MGAT5B: variants seen among roughly 807,000 people sequenced by gnomAD.
MGAT5B encodes the protein N-acetylglucosaminyl-transferase Vb.
A neutral mutation model predicts 95.1 loss-of-function variants in MGAT5B; 54 were observed. That is an observed-to-expected ratio of 0.57 (90% CI 0.46 to 0.71). The LOEUF (loss-of-function observed/expected upper bound fraction) is 0.71. Ranked by LOEUF, MGAT5B falls within the 30% of genes least tolerant of loss-of-function variation. The probability of loss-of-function intolerance (pLI) is 0.00; values close to 1 mark genes in which losing one functional copy is unlikely to be tolerated. For missense variants in MGAT5B, 935 were observed against 1,088.6 expected, an observed-to-expected ratio of 0.86 and a Z score of 1.99; for synonymous variants, 464 against 451.0, an observed-to-expected ratio of 1.03 and a Z score of -0.36.
rs537119080 is a variant in MGAT5B at position 76,911,156 on chromosome 17, G to A, written c.1025+4969G>A. 9.2e-5 allele frequency among the ~76,000 whole-genome samples: 14 copies of A among 152,314 alleles called. No individual in the cohort carries two copies. In the South Asian group the frequency reaches 2.7e-3, roughly 29 times the overall value. On this transcript the variant is annotated intron_variant, in intron 8 of 17. Coordinates refer to ENST00000569840, the MANE Select transcript of MGAT5B (RefSeq NM_001199172.2). ...TCTGACTTCTTCCATCTGGGGTGGG[G>A]GCCCAGGTAACAAATTGAAGCTCCC...
chr17:76,933,200 G>A, intron 11 of MGAT5B, 92 bp from the exon 12 acceptor site: 2 of 1,549,632 alleles, frequency 1.3e-6, no homozygotes, highest in Non-Finnish European at 1.8e-6. Flanking sequence ...GGGCCCCAGA[G>A]AGGAGCTGCC....
Position 76,915,683 on chromosome 17 carries a change from G to A in MGAT5B, c.1026-9283G>A, listed in dbSNP as rs1968904991. 6.6e-6 allele frequency among the ~76,000 whole-genome samples: 1 copy of A among 152,156 alleles called. No individual in the cohort carries two copies. Among genetic ancestry groups the A allele is most frequent in the Non-Finnish European group, 1.5e-5 (1 of 68,028 alleles). ...AAAGGTGGGGAAGAACCGCATCTTG[G>A]CACCTAGACTTGTGAATGGCAGCTC... is the stretch of plus-strand genomic sequence containing the variant. On this transcript the variant is annotated intron_variant, in intron 8 of 17. Coordinates refer to ENST00000569840, the MANE Select transcript of MGAT5B (RefSeq NM_001199172.2). This position sits in a 1 kb window ranked among gnomAD's most constrained non-coding sequence, Gnocchi z 8.7.
At chr17:76,895,329 A>G (rs966461007) in intron 3 of MGAT5B, among the ~76,000 whole-genome samples, 1 of 151,984 alleles carries the variant, frequency 6.6e-6, no homozygotes, top group African/African-American at 2.4e-5. Flanking sequence ...ATTATTTCAT[A>G]ATAATGAAAT....
chr17:76,926,378 C>T (rs1445296682), intron 9 of MGAT5B, among the ~76,000 whole-genome samples: 1 of 152,206 alleles, frequency 6.6e-6, no homozygotes, highest in East Asian at 1.9e-4. Flanking sequence ...GACAATTGGG[C>T]TGTTGTTTTT....
In MGAT5B at chr17:76,889,866, C is replaced by T. The variant is rs7216800; in HGVS notation, c.329+7568C>T. Among the ~76,000 whole-genome samples, 15,338 of 152,188 alleles carry T rather than the reference C, an allele frequency of 0.1. 1,084 individuals carry two copies. Among genetic ancestry groups the T allele is most frequent in the East Asian group, 0.25 (1,298 of 5,144 alleles). On this transcript the variant is annotated intron_variant, in intron 3 of 17. Coordinates refer to ENST00000569840, the MANE Select transcript of MGAT5B (RefSeq NM_001199172.2). This position sits in a 1 kb window ranked among gnomAD's most constrained non-coding sequence, Gnocchi z 4.4. Reference sequence around the variant, plus strand: ...GTGAAAAAGTCCCAAGTTCCCAGTGCAGTCCCTGCCGGGCTGGGAGGGAGG... The same window carrying T: ...GTGAAAAAGTCCCAAGTTCCCAGTGTAGTCCCTGCCGGGCTGGGAGGGAGG...
chr17:76,892,819 T>A (rs1438971690), intron 3 of MGAT5B, among the ~76,000 whole-genome samples: 1 of 152,184 alleles, frequency 6.6e-6, no homozygotes, highest in Non-Finnish European at 1.5e-5. Flanking sequence ...CTCAGAGACA[T>A]GACTGACCAC....
chr17:76,943,966 C>T (rs140889440), intron 15 of MGAT5B: 1 of 152,322 alleles, frequency 6.6e-6, no homozygotes, highest in African/African-American at 2.4e-5. Flanking sequence ...CCATGGAAAA[C>T]CAGGGCCCGG....
chr17:76,921,968 T>C (rs34534703), intron 8 of MGAT5B, among the ~76,000 whole-genome samples: 90,743 of 151,986 alleles, frequency 0.6, 27,200 homozygotes, highest in Non-Finnish European at 0.62. Flanking sequence ...GGAATGATGC[T>C]TGTGTCCAAA....
chr17:76,907,312 A>T (rs568276024), intron 8 of MGAT5B, among the ~76,000 whole-genome samples: 21 of 152,244 alleles, frequency 1.4e-4, no homozygotes, highest in Admixed American at 2.0e-4. Flanking sequence ...CGGCCTCCCA[A>T]AGTGTTGGGA....
intron 16 of MGAT5B, among the ~76,000 whole-genome samples, chr17:76,947,506 G>A (rs1186134489): frequency 3.3e-5 from 5 of 152,114 alleles, no homozygotes; most frequent in Non-Finnish European, 4.4e-5. Context: ...CCCCAGGGTA[G>A]GAACCCCAGC....
chr17:76,924,960 T>C lies in MGAT5B; in HGVS notation c.1026-6T>C. On this transcript the variant is annotated splice_region_variant and splice_polypyrimidine_tract_variant and intron_variant, in intron 8 of 17. Transcript: ENST00000569840. The stretch of plus-strand genomic sequence containing the variant: ...GGGCCCAGAATCTGAAGGGCTCTTC[T>C]CTCAGTAACTTAGGGGTACCGCCAG... 1 of 1,611,944 alleles carries C rather than the reference T, an allele frequency of 6.2e-7. No homozygotes were observed. Among genetic ancestry groups the C allele is most frequent in the Non-Finnish European group, 8.5e-7 (1 of 1,179,450 alleles).
At chr17:76,943,374 C>G (rs1021151991) in intron 15 of MGAT5B, among the ~76,000 whole-genome samples, 5 of 152,126 alleles carry the variant, frequency 3.3e-5, no homozygotes, top group African/African-American at 1.2e-4. Context: ...GTGGGCCCCA[C>G]CCCTCCGCAT....
chr17:76,921,265 G>T (rs1051239419), intron 8 of MGAT5B, among the ~76,000 whole-genome samples: 1 of 152,188 alleles, frequency 6.6e-6, no homozygotes, highest in Non-Finnish European at 1.5e-5. Flanking sequence ...CTGGCCTCAC[G>T]TGTGACAGGT....
chr17:76,948,711 A>G lies in MGAT5B; in HGVS notation c.2252A>G (p.Gln751Arg). ...TACCCGGCGTTCGCCCAGCCTGGCC[A>G]GGAGTGCTACCTGCAGAAGGAGCCT... ...HLYPAFAQPG[Q>R]ECYLQKEPLL... The change falls in exon 18 of 18, where the codon CAG becomes CGG. Residue 751 changes from glutamine (Q) to arginine (R), a missense_variant. Gln to Arg is a conservative substitution (Grantham distance 43). Coordinates refer to ENST00000569840, the MANE Select transcript of MGAT5B (RefSeq NM_001199172.2). 6.2e-7 allele frequency: 1 copy of G among 1,613,400 alleles called. No individual in the cohort carries two copies. The highest frequency in any genetic ancestry group is 1.1e-5 in the South Asian group (1 of 90,912).
intron 9 of MGAT5B, among the ~76,000 whole-genome samples, chr17:76,925,502 CCTCT>C (rs1285224002): frequency 6.6e-6 from 1 of 151,102 alleles, no homozygotes; most frequent in Non-Finnish European, 1.5e-5. Flanking sequence ...TCCACCCCAC[CCTCT>C]CTCCGTCTGG....
Position 76,905,169 on chromosome 17 carries a change from G to T in MGAT5B, c.691G>T (p.Ala231Ser), listed in dbSNP as rs780227253. ...RAPKPLPKVQ[A>S]VFRSNLSHLL... Reference sequence around the variant, plus strand: ...AGAGCTGAGGTCTGGACCCCTCCAGGCAGTTTTCCGAAGCAACCTGTCCCA... The same window carrying T: ...AGAGCTGAGGTCTGGACCCCTCCAGTCAGTTTTCCGAAGCAACCTGTCCCA... Residue 231 changes from alanine (A) to serine (S), a missense_variant and splice_region_variant, in exon 7 of 18, where the codon GCA (alanine) becomes TCA (serine). By Grantham distance (99) the Ala-to-Ser change is moderately conservative (BLOSUM62 1). Around this residue, in one of 4 missense-constraint regions of MGAT5B, gnomAD observed 243 missense variants for 305.5 expected, o/e 0.80. Coordinates refer to ENST00000569840, the MANE Select transcript of MGAT5B (RefSeq NM_001199172.2). This position sits in a 1 kb window ranked among gnomAD's most constrained non-coding sequence, Gnocchi z 4.2. 2 of 1,608,924 alleles carry T rather than the reference G, an allele frequency of 1.2e-6. No homozygotes were observed. The highest frequency in any genetic ancestry group is 4.5e-5 in the East Asian group (2 of 44,688).
At chr17:76,877,919 C>T (rs1056839399) in intron 2 of MGAT5B, among the ~76,000 whole-genome samples, 4 of 151,238 alleles carry the variant, frequency 2.6e-5, no homozygotes, top group East Asian at 2.0e-4. Flanking sequence ...AAACACATCC[C>T]GTCTGTAAAT....
intron 8 of MGAT5B, among the ~76,000 whole-genome samples, chr17:76,923,565 C>T (rs1969191337): frequency 6.6e-6 from 1 of 152,152 alleles, no homozygotes; most frequent in African/African-American, 2.4e-5. Context: ...GTGGCCTTCT[C>T]TGCTTGGGCA....
rs1966907896 is a variant in MGAT5B, at chr17:76,869,318, C to A, written c.68+221C>A. Among the ~76,000 whole-genome samples, 1 of 151,928 alleles carries A rather than the reference C, an allele frequency of 6.6e-6. No individual in the cohort carries two copies. Among genetic ancestry groups the A allele is most frequent in the African/African-American group, 2.4e-5 (1 of 41,364 alleles). ...ATTCGGGGACCTGTCCCGAGTTGGG[C>A]AGGGTTGGAGAGGACTCGGGGTGCA... On this transcript the variant is annotated intron_variant, in intron 1 of 17. Coordinates refer to ENST00000569840, the MANE Select transcript of MGAT5B (RefSeq NM_001199172.2). This position sits in a 1 kb window ranked among gnomAD's most constrained non-coding sequence, Gnocchi z 7.0.
Sources: gnomAD v4.1 joint callset for allele counts (sites outside exome capture counted in the v4.1 genomes callset) on GRCh38, gnomAD v4.1.1 for gene constraint, gnomAD v4.1.1 regional missense constraint, Gnocchi (gnomAD v3.1) non-coding constraint, MANE v1.5 for transcripts, NCBI Gene and HGNC (gene_info 2026-07-23, HGNC 2026-07-21) for gene names.